RGPD8: variants seen among roughly 807,000 people sequenced by gnomAD.
The protein encoded by RGPD8 is RANBP2 like and GRIP domain containing 8.
A neutral mutation model predicts 89.1 loss-of-function variants in RGPD8; 15 were observed. That is an observed-to-expected ratio of 0.17 (90% CI 0.11 to 0.26). The LOEUF (loss-of-function observed/expected upper bound fraction) is 0.26, where lower values mean the gene tolerates loss of function less well. Ranked by LOEUF, RGPD8 falls within the 10% of genes least tolerant of loss-of-function variation. RGPD8 has a pLI of 1.00. For missense variants in RGPD8, 178 were observed against 1,179.6 expected, an observed-to-expected ratio of 0.15 and a Z score of 12.44; for synonymous variants, 62 against 420.9, an observed-to-expected ratio of 0.15 and a Z score of 10.44.
chr2:112,372,955 C>T (rs144220082), intron 22 of RGPD8, among the ~76,000 whole-genome samples: 16,488 of 133,430 alleles, frequency 0.12, 977 homozygotes, highest in Non-Finnish European at 0.15. Context: ...TTTTAGACCT[C>T]TGTGTATGTA....
At position 112,399,918 on chromosome 2, in the gene RGPD8, GA is replaced by G. The variant is rs1203965275; in HGVS notation, c.1917+117del. 5.6e-4 allele frequency: 441 copies of G among 786,284 alleles called. 10 individuals carry two copies. The African/African-American group carries it at 0.015, about 26-fold the overall frequency. The allele number at this position is 786,284 out of a possible 1,614,324, so 48.7% of individuals were successfully genotyped here. On this transcript the variant is annotated intron_variant, in intron 13 of 22. Coordinates refer to ENST00000302558, the MANE Select transcript of RGPD8 (RefSeq NM_001164463.1). ...TTATCTGTGAGAGCTAGTGAATTTA[GA>G]AAACAAGATTACCGTTAAATAACAA...
Position 112,433,571 on chromosome 2 carries a change from C to G in RGPD8, c.-118G>C. 9.1e-7 allele frequency: 1 copy of G among 1,097,608 alleles called. No individual in the cohort carries two copies. 68.0% of individuals were successfully genotyped at this position (1,097,608 alleles called of 1,614,324 possible). On this transcript the variant is annotated 5_prime_UTR_variant, in exon 1 of 23. Coordinates refer to ENST00000302558, the MANE Select transcript of RGPD8 (RefSeq NM_001164463.1). Reference sequence around the variant, plus strand: ...GAAGCAGCGGCGTAGCCGGCGGAGGCCCACTGTGACGAGCGTGCGGCGCCG... The same window carrying G: ...GAAGCAGCGGCGTAGCCGGCGGAGGGCCACTGTGACGAGCGTGCGGCGCCG...
intron 1 of RGPD8, among the ~76,000 whole-genome samples, chr2:112,428,975 A>C (rs926711332): frequency 2.0e-5 from 3 of 152,134 alleles, no homozygotes; most frequent in Non-Finnish European, 4.4e-5. Context: ...CTGCACAACA[A>C]GGGCAATTCA....
intron 1 of RGPD8, among the ~76,000 whole-genome samples, chr2:112,432,879 C>G (rs1052279536): frequency 3.9e-5 from 6 of 152,232 alleles, no homozygotes; most frequent in Admixed American, 1.3e-4. Flanking sequence ...ACTGCGCTAG[C>G]CGGCCTCCGC....
At chr2:112,425,884 G>A (rs1457024301) in intron 1 of RGPD8, among the ~76,000 whole-genome samples, 1 of 151,872 alleles carries the variant, frequency 6.6e-6, no homozygotes, top group Non-Finnish European at 1.5e-5. Flanking sequence ...ACGATGAATA[G>A]TACCAAACCA....
At chr2:112,431,341 C>T (rs34510112) in intron 1 of RGPD8, among the ~76,000 whole-genome samples, 20,266 of 152,130 alleles carry the variant, frequency 0.13, 1,505 homozygotes, top group Non-Finnish European at 0.16. Context: ...TAGACTCTTA[C>T]CATCACATTC....
At chr2:112,370,359 G>GGTGTTT (rs1249646916) in intron 22 of RGPD8, 147 bp from the exon 23 acceptor site, 1 of 100,760 alleles carries the variant, frequency 9.9e-6, no homozygotes, top group Non-Finnish European at 1.7e-5. Context: ...GGGGGGGGGG[G>GGTGTTT]TTCTTTTTTT....
intron 1 of RGPD8, among the ~76,000 whole-genome samples, chr2:112,425,528 G>A (rs900655130): frequency 6.6e-6 from 1 of 151,912 alleles, no homozygotes; most frequent in African/African-American, 2.4e-5. Flanking sequence ...CGGAGACTGA[G>A]GCGGGTGGAT....
rs1326695038 is a variant in RGPD8, at chr2:112,387,385, TCTCA to T, written c.4921+635_4921+638del. Among the ~76,000 whole-genome samples, 18 of 141,174 alleles carry T rather than the reference TCTCA, an allele frequency of 1.3e-4. 3 individuals carry two copies. The South Asian group carries it at 1.4e-3, about 11-fold the overall frequency. The allele number at this position is 141,174 out of a possible 152,430, so 92.6% of individuals were successfully genotyped here. ...TTTTTTGTTTTTTTTGGAGACAAAG[TCTCA>T]CTCAGTCACTCAGTCAGGCTGGAGT... is the stretch of plus-strand genomic sequence containing the variant. On this transcript the variant is annotated intron_variant, in intron 20 of 22. Transcript: ENST00000302558.
intron 1 of RGPD8, among the ~76,000 whole-genome samples, chr2:112,430,812 C>A (rs1171545618): frequency 6.6e-6 from 1 of 150,848 alleles, no homozygotes; most frequent in African/African-American, 2.4e-5. Context: ...AAGAAAAAAG[C>A]CGGGCATGGT....
At chr2:112,422,489 T>G in intron 3 of RGPD8, 59 bp downstream of exon 3, 1 of 1,591,146 alleles carries the variant, frequency 6.3e-7, no homozygotes. Context: ...CTTATATAAA[T>G]TTCTCTGGGC....
At chr2:112,402,495 C>CAGAAAAGAAAAGAA (rs1678901410) in intron 9 of RGPD8, among the ~76,000 whole-genome samples, 1 of 147,012 alleles carries the variant, frequency 6.8e-6, no homozygotes, top group Non-Finnish European at 1.5e-5. Flanking sequence ...GTCTCAAAAA[C>CAGAAAAGAAAAGAA]AAGAAAAGAA....
chr2:112,408,844 G>C (rs867225759), intron 7 of RGPD8, among the ~76,000 whole-genome samples: 13 of 152,048 alleles, frequency 8.5e-5, no homozygotes, highest in South Asian at 2.1e-4. Context: ...GCTAATTTTT[G>C]TATTTTTAGT....
intron 22 of RGPD8, among the ~76,000 whole-genome samples, chr2:112,373,453 G>A (rs112819775): frequency 6.6e-3 from 1,011 of 152,244 alleles, no homozygotes; most frequent in Non-Finnish European, 0.011. Context: ...CTAAGCTAAT[G>A]TTTCCCAAAT....
intron 1 of RGPD8, among the ~76,000 whole-genome samples, chr2:112,427,223 T>C (rs988303107): frequency 1.1e-4 from 17 of 152,198 alleles, no homozygotes; most frequent in Non-Finnish European, 2.5e-4. Flanking sequence ...TCCATTACCT[T>C]CTTTGCTTCC....
intron 1 of RGPD8, among the ~76,000 whole-genome samples, chr2:112,426,822 C>G (rs1051956061): frequency 3.5e-4 from 52 of 146,516 alleles, no homozygotes; most frequent in Admixed American, 1.2e-3. Flanking sequence ...CCTGTTCCCC[C>G]CTTCCTTTTT....
intron 22 of RGPD8, among the ~76,000 whole-genome samples, chr2:112,377,570 G>A (rs1181472387): frequency 7.4e-5 from 7 of 94,426 alleles, no homozygotes; most frequent in Non-Finnish European, 1.1e-4. Flanking sequence ...AACCACCGGC[G>A]CCTGGCCTAT....
chr2:112,411,209 GT>G (rs1202748968), intron 7 of RGPD8, among the ~76,000 whole-genome samples: 16 of 142,340 alleles, frequency 1.1e-4, no homozygotes, highest in Non-Finnish European at 7.6e-5. Context: ...CTGGTTTAAT[GT>G]TTTTTTGGAA....
chr2:112,425,201 A>C (rs1373287249), intron 1 of RGPD8, among the ~76,000 whole-genome samples: 1 of 151,866 alleles, frequency 6.6e-6, no homozygotes, highest in Non-Finnish European at 1.5e-5. Flanking sequence ...AAACAAAAGA[A>C]ACCAGCTTTC....
Sources: gnomAD v4.1 joint callset for allele counts (sites outside exome capture counted in the v4.1 genomes callset) on GRCh38, gnomAD v4.1.1 for gene constraint, MANE v1.5 for transcripts, NCBI Gene and HGNC (gene_info 2026-07-23, HGNC 2026-07-21) for gene names.